Variants in COL22A1 observed in about 807,000 individuals in gnomAD.
The protein encoded by COL22A1 is collagen alpha-1(XXII) chain.
In COL22A1, 221 loss-of-function variants were observed where a neutral mutation model predicts 248.9. The ratio of observed to expected loss-of-function variants is 0.89; its 90% confidence interval spans 0.80 to 0.99. The LOEUF (loss-of-function observed/expected upper bound fraction) is 0.99, where lower values mean the gene tolerates loss of function less well. Among genes scored for constraint, COL22A1 ranks in the 50% least tolerant of loss-of-function variants. The pLI is 0.00. For missense variants in COL22A1, 2,240 were observed against 2,179.0 expected (o/e 1.03, Z -0.56); for synonymous variants, 891 against 793.4 (o/e 1.12, Z -2.07).
intron 11 of COL22A1, among the ~76,000 whole-genome samples, chr8:138,797,885 G>T (rs1177932642): frequency 6.6e-6 from 1 of 151,890 alleles, no homozygotes. Context: ...ATATTTTTAA[G>T]AAATAATTTT....
chr8:138,841,379 T>G (rs1157402101), intron 4 of COL22A1, among the ~76,000 whole-genome samples: 1 of 152,120 alleles, frequency 6.6e-6, no homozygotes, highest in African/African-American at 2.4e-5. Context: ...CAGAATAGAA[T>G]AAAATGTTAA....
chr8:138,674,434 T>C (rs898247271), intron 41 of COL22A1, among the ~76,000 whole-genome samples: 8 of 152,200 alleles, frequency 5.3e-5, no homozygotes, highest in African/African-American at 1.9e-4. Flanking sequence ...GCCTGGGCTG[T>C]GGCCAGAGAT....
At chr8:138,591,017 G>A (rs550076180) in intron 64 of COL22A1, among the ~76,000 whole-genome samples, 1 of 152,256 alleles carries the variant, frequency 6.6e-6, no homozygotes, top group South Asian at 2.1e-4. Context: ...AGTGAATTTC[G>A]AAAGTGCTAG....
At chr8:138,659,150 T>C (rs1823562456) in intron 44 of COL22A1, among the ~76,000 whole-genome samples, 1 of 152,168 alleles carries the variant, frequency 6.6e-6, no homozygotes, top group African/African-American at 2.4e-5. Flanking sequence ...TATTTGGCTG[T>C]TGCAAAGCTG....
chr8:138,893,012 C>T (rs1297389796), intron 1 of COL22A1, among the ~76,000 whole-genome samples: 4 of 152,180 alleles, frequency 2.6e-5, no homozygotes, highest in Non-Finnish European at 4.4e-5. Flanking sequence ...CAGCTTGGAA[C>T]GACTGGCACA....
At chr8:138,756,560 G>A (rs956599441) in intron 18 of COL22A1, among the ~76,000 whole-genome samples, 2 of 152,108 alleles carry the variant, frequency 1.3e-5, no homozygotes, top group African/African-American at 2.4e-5. Flanking sequence ...CACACATGAC[G>A]TAGGGACATA....
rs561079723 is a variant in COL22A1 at position 138,811,328 on chromosome 8, T to G, written c.1449+471A>C. Reference sequence around the variant, plus strand: ...ATACACATACATACACACACATATATACACACACGTACATACACATATATA... The same window carrying G: ...ATACACATACATACACACACATATAGACACACACGTACATACACATATATA... On this transcript the variant is annotated intron_variant, in intron 9 of 64. Transcript: ENST00000303045. 6.2e-5 allele frequency among the ~76,000 whole-genome samples: 9 copies of G among 145,066 alleles called. 1 individual carries two copies. In the South Asian group the frequency reaches 2.1e-3, roughly 33 times the overall value.
At chr8:138,668,463 C>T (rs796463694) in intron 41 of COL22A1, among the ~76,000 whole-genome samples, 1 of 152,206 alleles carries the variant, frequency 6.6e-6, no homozygotes, top group Non-Finnish European at 1.5e-5. Flanking sequence ...TACACATGCA[C>T]AGCCATGCTA....
At chr8:138,842,855 G>A (rs1176219279) in intron 4 of COL22A1, among the ~76,000 whole-genome samples, 5 of 152,258 alleles carry the variant, frequency 3.3e-5, no homozygotes, top group East Asian at 1.9e-4. Flanking sequence ...GCCCCACCTC[G>A]AGAATATCAC....
chr8:138,834,367 A>G (rs558700414), intron 4 of COL22A1, among the ~76,000 whole-genome samples: 1 of 152,228 alleles, frequency 6.6e-6, no homozygotes, highest in Non-Finnish European at 1.5e-5. Context: ...AAAACAGGAA[A>G]TGGACTTGTA....
At chr8:138,669,707 C>T (rs966341174) in intron 41 of COL22A1, among the ~76,000 whole-genome samples, 1 of 152,074 alleles carries the variant, frequency 6.6e-6, no homozygotes, top group African/African-American at 2.4e-5. Flanking sequence ...GCCGGGAAGA[C>T]CAGGGAAGGC....
chr8:138,639,629 C>T (rs1821491018), intron 47 of COL22A1, among the ~76,000 whole-genome samples: 1 of 152,130 alleles, frequency 6.6e-6, no homozygotes, highest in Admixed American at 6.5e-5. Flanking sequence ...CTTTTGAAAA[C>T]TTGTTATTGT....
At chr8:138,788,142 T>C (rs1815705705) in intron 12 of COL22A1, among the ~76,000 whole-genome samples, 1 of 152,188 alleles carries the variant, frequency 6.6e-6, no homozygotes, top group Admixed American at 6.5e-5. Flanking sequence ...CAACCTCACC[T>C]GGGGTTGCGT....
intron 5 of COL22A1, among the ~76,000 whole-genome samples, chr8:138,832,710 T>A (rs958693729): frequency 2.6e-5 from 4 of 152,106 alleles, no homozygotes; most frequent in African/African-American, 9.7e-5. Flanking sequence ...CCTTAGTAGG[T>A]GCTATGCACT....
chr8:138,605,062 T>C (rs1449722429), intron 58 of COL22A1, among the ~76,000 whole-genome samples: 1 of 151,980 alleles, frequency 6.6e-6, no homozygotes, highest in Non-Finnish European at 1.5e-5. Flanking sequence ...AATAGTCCTG[T>C]TGTGATCAGG....
At chr8:138,795,714 A>T (rs965280412) in intron 12 of COL22A1, among the ~76,000 whole-genome samples, 3 of 152,220 alleles carry the variant, frequency 2.0e-5, no homozygotes, top group African/African-American at 7.2e-5. Context: ...TATTTTGCCC[A>T]CCACACAGCA....
At chr8:138,766,107 T>C (rs1833892257) in intron 16 of COL22A1, among the ~76,000 whole-genome samples, 1 of 152,222 alleles carries the variant, frequency 6.6e-6, no homozygotes, top group Non-Finnish European at 1.5e-5. Flanking sequence ...GATGTGGACC[T>C]GACAATCACC....
At position 138,613,017 on chromosome 8, in the gene COL22A1, G is replaced by A. The variant is rs1205030466; in HGVS notation, c.3978+850C>T. Reference sequence around the variant, plus strand: ...TAATCCCAATACTTTGGGAGGGCGAGGCGGGCAGATTATGAGGTCAGGAGA... The same window carrying A: ...TAATCCCAATACTTTGGGAGGGCGAAGCGGGCAGATTATGAGGTCAGGAGA... On this transcript the variant is annotated intron_variant, in intron 56 of 64. Transcript: ENST00000303045. 2.6e-5 allele frequency among the ~76,000 whole-genome samples: 4 copies of A among 151,420 alleles called. No homozygotes were observed. In the East Asian group the frequency reaches 7.8e-4, roughly 30 times the overall value.
chr8:138,848,633 G>A (rs1354830845), intron 3 of COL22A1, among the ~76,000 whole-genome samples: 4 of 152,122 alleles, frequency 2.6e-5, no homozygotes, highest in Non-Finnish European at 5.9e-5. Flanking sequence ...AGTTGGGAAC[G>A]GAGGGTACAT....
Sources: allele counts gnomAD v4.1 joint callset (sites outside exome capture counted in the v4.1 genomes callset), GRCh38; gene constraint gnomAD v4.1.1; transcripts MANE v1.5; gene names NCBI Gene and HGNC (gene_info 2026-07-23, HGNC 2026-07-21).